Variants in SH3TC2 observed in about 807,000 individuals in gnomAD.
SH3TC2 encodes SH3 domain and tetratricopeptide repeat-containing protein 2.
Under a neutral mutation model 124.5 loss-of-function variants are expected in SH3TC2, and 87 were observed. The observed-to-expected ratio is 0.70, with a 90% CI of 0.59 to 0.84. SH3TC2 has a LOEUF of 0.84. Among genes scored for constraint, SH3TC2 ranks in the 40% least tolerant of loss-of-function variants. SH3TC2 has a pLI of 0.00. For synonymous variants in SH3TC2, 634 were observed against 628.5 expected, an observed-to-expected ratio of 1.01 and a Z score of -0.13; for missense variants, 1,536 against 1,566.4, an observed-to-expected ratio of 0.98 and a Z score of 0.33.
At chr5:149,054,708 G>A (rs1248976821) in intron 1 of SH3TC2, among the ~76,000 whole-genome samples, 2 of 152,218 alleles carry the variant, frequency 1.3e-5, no homozygotes, top group South Asian at 2.1e-4. Context: ...TATGGCAACA[G>A]TCAGCTGGGG....
intron 7 of SH3TC2, among the ~76,000 whole-genome samples, chr5:149,039,199 C>T (rs1754330308): frequency 6.6e-6 from 1 of 152,152 alleles, no homozygotes; most frequent in Non-Finnish European, 1.5e-5. Context: ...TAGCAATGAC[C>T]TTTTGATGAA....
chr5:149,007,132 G>T (rs553748663), intron 15 of SH3TC2, 55 bp from the exon 16 acceptor site: 1 of 1,554,778 alleles, frequency 6.4e-7, no homozygotes, highest in Admixed American at 1.7e-5. Context: ...TGCATCATTT[G>T]TTCACTCATT....
At chr5:149,059,580 C>T (rs1432595511) in intron 1 of SH3TC2, among the ~76,000 whole-genome samples, 2 of 149,590 alleles carry the variant, frequency 1.3e-5, no homozygotes, top group East Asian at 2.0e-4. Context: ...CTTGTTGGGA[C>T]GAATAGCATG....
chr5:149,009,270 CT>C (rs1320535014), intron 14 of SH3TC2, among the ~76,000 whole-genome samples: 2 of 152,198 alleles, frequency 1.3e-5, no homozygotes, highest in African/African-American at 4.8e-5. Context: ...AGGGAAGCGG[CT>C]TTTCCCAAGG....
Position 149,004,605 on chromosome 5 carries a change from G to T in SH3TC2, c.*106C>A. On this transcript the variant is annotated 3_prime_UTR_variant, in exon 17 of 17. Transcript: ENST00000515425. ...ATTCTTCTTCTTGTGAAATGAGGGG[G>T]CTAGGCCAGGTAAGGACTCGGACCC... The T allele has an allele frequency of 8.5e-7, 1 of 1,181,962 alleles. No homozygotes were observed. Among genetic ancestry groups the T allele is most frequent in the Non-Finnish European group, 1.2e-6 (1 of 840,776 alleles). The allele number at this position is 1,181,962 out of a possible 1,614,324, so 73.2% of individuals were successfully genotyped here. A position where few individuals can be genotyped will look rare whatever the true frequency, so the allele number is the denominator to read the frequency against.
rs1219050568 is a variant in SH3TC2, at chr5:148,989,200, A to C, written c.*15511T>G. ...ATTACAGGCTCAAGTCATGGGTTTTAAAAATAGCCATAATCTATTAACGAC... is the reference window on the plus strand; with the variant it reads ...ATTACAGGCTCAAGTCATGGGTTTTCAAAATAGCCATAATCTATTAACGAC... On this transcript the variant is annotated 3_prime_UTR_variant, in exon 17 of 17. Coordinates refer to ENST00000515425, the MANE Select transcript of SH3TC2 (RefSeq NM_024577.4). 2.0e-5 allele frequency among the ~76,000 whole-genome samples: 3 copies of C among 152,172 alleles called. No individual in the cohort carries two copies. Among genetic ancestry groups the C allele is most frequent in the Non-Finnish European group, 4.4e-5 (3 of 68,030 alleles).
intron 1 of SH3TC2, 137 bp downstream of exon 1, chr5:149,062,834 A>C (rs1288300939): frequency 2.5e-6 from 2 of 805,094 alleles, no homozygotes; most frequent in African/African-American, 3.4e-5. Context: ...CCCAGGGAGG[A>C]AGGAGAGGCA....
chr5:149,031,741 T>A (rs1427061432), intron 8 of SH3TC2, 54 bp from the exon 9 acceptor site: 1 of 1,609,156 alleles, frequency 6.2e-7, no homozygotes, highest in Non-Finnish European at 8.5e-7. Flanking sequence ...TCAGACTCCA[T>A]CTCCTCTTCT....
chr5:149,062,942 A>G, intron 1 of SH3TC2, 29 bp downstream of exon 1: 1 of 1,569,414 alleles, frequency 6.4e-7, no homozygotes, highest in Non-Finnish European at 8.7e-7. Context: ...TGGCCAAGCC[A>G]CAGGCCAAGG....
Position 148,982,510 on chromosome 5 carries a change from C to T in SH3TC2, c.*22201G>A, listed in dbSNP as rs555033659. 1.3e-5 allele frequency among the ~76,000 whole-genome samples: 2 copies of T among 152,102 alleles called. No homozygotes were observed. The highest frequency in any genetic ancestry group is 2.4e-5 in the African/African-American group (1 of 41,396). ...AACCAAATTGACACCACTAGAGAAC[C>T]AGCTAAATAAACTGTTATTCCCATC... On this transcript the variant is annotated 3_prime_UTR_variant, in exon 17 of 17. Coordinates refer to ENST00000515425, the MANE Select transcript of SH3TC2 (RefSeq NM_024577.4).
chr5:149,016,940 A>T (rs950522026), intron 12 of SH3TC2, among the ~76,000 whole-genome samples: 3 of 151,936 alleles, frequency 2.0e-5, no homozygotes, highest in East Asian at 3.9e-4. Flanking sequence ...AAAAAAAAAA[A>T]AAAGAATAAA....
At position 148,983,710 on chromosome 5, in the gene SH3TC2, A is replaced by T. The variant is rs1401787287; in HGVS notation, c.*21001T>A. On this transcript the variant is annotated 3_prime_UTR_variant, in exon 17 of 17. Coordinates refer to ENST00000515425, the MANE Select transcript of SH3TC2 (RefSeq NM_024577.4). ...GAATTCAGATGTCCCAGACTGGTCA[A>T]ATAATGGTATTCTACTTCCCTGTCA... 6.6e-6 allele frequency among the ~76,000 whole-genome samples: 1 copy of T among 152,150 alleles called. No individual in the cohort carries two copies. Among genetic ancestry groups the T allele is most frequent in the African/African-American group, 2.4e-5 (1 of 41,446 alleles).
At chr5:149,038,092 A>G (rs1410834333) in intron 8 of SH3TC2, among the ~76,000 whole-genome samples, 2 of 152,180 alleles carry the variant, frequency 1.3e-5, no homozygotes, top group African/African-American at 2.4e-5. Context: ...GGAAGTCCTC[A>G]GTGACCACCT....
intron 2 of SH3TC2, 108 bp downstream of exon 2, chr5:149,052,034 C>G: frequency 1.2e-6 from 1 of 836,616 alleles, no homozygotes; most frequent in South Asian, 1.3e-5. Context: ...TAGTCAAAAT[C>G]TTTTCATCAA....
chr5:149,046,349 C>A (rs1754463951), intron 3 of SH3TC2: 1 of 152,286 alleles, frequency 6.6e-6, no homozygotes, highest in Non-Finnish European at 1.5e-5. Flanking sequence ...CACAAAAGCG[C>A]TATGAAGAGA....
rs144955630 is a variant in SH3TC2 at position 149,000,108 on chromosome 5, G to A, written c.*4603C>T. On this transcript the variant is annotated 3_prime_UTR_variant, in exon 17 of 17. Coordinates refer to ENST00000515425, the MANE Select transcript of SH3TC2 (RefSeq NM_024577.4). ...CCTGTCTGGGTAAAATCCCTTCCCC[G>A]CAGTGCCTGTAACATCCTGTAACTA... is the stretch of plus-strand genomic sequence containing the variant. 4.3e-4 allele frequency among the ~76,000 whole-genome samples: 66 copies of A among 152,182 alleles called. 1 individual carries two copies. The East Asian group carries it at 0.012, about 27-fold the overall frequency.
Position 149,006,941 on chromosome 5 carries a change from C to T in SH3TC2, c.3615G>A (p.Glu1205=), listed in dbSNP as rs771708866. Residue 1205 remains glutamate, a synonymous_variant, in exon 16 of 17, where the codon GAG becomes GAA. Coordinates refer to ENST00000515425, the MANE Select transcript of SH3TC2 (RefSeq NM_024577.4). ...LCPPWLQSPK[E]ALYYAKVYYR... ...AATACACCTTGGCATAGTACAGGGC[C>T]TCCTTGGGACTCTGCAGCCATGGTG... 2.5e-6 allele frequency: 4 copies of T among 1,614,010 alleles called. No individual in the cohort carries two copies. The highest frequency in any genetic ancestry group is 3.3e-5 in the Admixed American group (2 of 60,000).
rs1177791332 is a variant in SH3TC2, at chr5:148,987,184, T to A, written c.*17527A>T. On this transcript the variant is annotated 3_prime_UTR_variant, in exon 17 of 17. Transcript: ENST00000515425. Reference sequence around the variant, plus strand: ...ATTTGATTTAAATTATTTTAACCACTGTAACCCCTCTGTGGGGAGAGGAGA... The same window carrying A: ...ATTTGATTTAAATTATTTTAACCACAGTAACCCCTCTGTGGGGAGAGGAGA... Among the ~76,000 whole-genome samples, 2 of 152,216 alleles carry A rather than the reference T, an allele frequency of 1.3e-5. No homozygotes were observed. Among genetic ancestry groups the A allele is most frequent in the Non-Finnish European group, 2.9e-5 (2 of 68,038 alleles).
intron 8 of SH3TC2, among the ~76,000 whole-genome samples, chr5:149,033,645 A>G (rs1268908934): frequency 6.6e-6 from 1 of 152,192 alleles, no homozygotes; most frequent in Admixed American, 6.5e-5. Context: ...AGTCTGAAAG[A>G]GTTCAACTTC....
Sources: allele counts gnomAD v4.1 joint callset (sites outside exome capture counted in the v4.1 genomes callset), GRCh38; gene constraint gnomAD v4.1.1; transcripts MANE v1.5; gene names NCBI Gene and HGNC (gene_info 2026-07-23, HGNC 2026-07-21).